The following DNASE1L3 variants were observed in gnomAD, a reference collection of about 807,000 sequenced individuals.
The protein encoded by DNASE1L3 is deoxyribonuclease gamma.
In DNASE1L3, 27 loss-of-function variants were observed where a neutral mutation model predicts 30.9. The ratio of observed to expected loss-of-function variants is 0.87; its 90% confidence interval spans 0.64 to 1.20. DNASE1L3 has a LOEUF of 1.20. Ranked by LOEUF, DNASE1L3 falls within the 50% of genes most tolerant of loss-of-function variation. The pLI is 0.00. For synonymous variants in DNASE1L3, 135 were observed against 138.0 expected, an observed-to-expected ratio of 0.98 and a Z score of 0.15; for missense variants, 364 against 378.2, an observed-to-expected ratio of 0.96 and a Z score of 0.31.
chr3:58,210,919 C>T lies in DNASE1L3; in HGVS notation c.-13G>A. 6.2e-7 allele frequency: 1 copy of T among 1,613,172 alleles called. No individual in the cohort carries two copies. The highest frequency in any genetic ancestry group is 2.2e-5 in the East Asian group (1 of 44,878). On this transcript the variant is annotated 5_prime_UTR_variant, in exon 1 of 8. Transcript: ENST00000394549. ...GCTCCCGTGACATCCTGGCGCTGCT[C>T]TGGCTTCAAGACTCTGTGAGAAGAC...
At chr3:58,196,116 T>C (rs1331570625) in intron 6 of DNASE1L3, among the ~76,000 whole-genome samples, 1 of 152,002 alleles carries the variant, frequency 6.6e-6, no homozygotes, top group African/African-American at 2.4e-5. Context: ...ACTGAGTGAG[T>C]GGCCATCGTC....
intron 2 of DNASE1L3, among the ~76,000 whole-genome samples, chr3:58,206,074 C>T (rs1473814871): frequency 3.3e-5 from 5 of 152,220 alleles, no homozygotes; most frequent in Admixed American, 2.6e-4. Flanking sequence ...AGCCATCAGG[C>T]ATTTTTTTAC....
At chr3:58,195,989 G>A (rs1317469854) in intron 6 of DNASE1L3, among the ~76,000 whole-genome samples, 2 of 152,114 alleles carry the variant, frequency 1.3e-5, no homozygotes, top group Non-Finnish European at 2.9e-5. Flanking sequence ...CTGTGGCCAT[G>A]TTGCCTTCTG....
At chr3:58,203,867 T>G (rs2097402281) in intron 4 of DNASE1L3, among the ~76,000 whole-genome samples, 1 of 152,178 alleles carries the variant, frequency 6.6e-6, no homozygotes, top group African/African-American at 2.4e-5. Flanking sequence ...CCCTGGCCTG[T>G]CCATTTCAGT....
rs911107395 is a variant in DNASE1L3 at position 58,200,240 on chromosome 3, C to T, written c.546+757G>A. ...TGGGGTGGACACAGATTTAGTCAAT[C>T]AGAGTAGCTCAACACCCTGATCACA... On this transcript the variant is annotated intron_variant, in intron 5 of 7. Coordinates refer to ENST00000394549, the MANE Select transcript of DNASE1L3 (RefSeq NM_004944.4). This position sits in a 1 kb window ranked among gnomAD's most constrained non-coding sequence, Gnocchi z 4.2. 2.0e-5 allele frequency among the ~76,000 whole-genome samples: 3 copies of T among 152,194 alleles called. No homozygotes were observed. The highest frequency in any genetic ancestry group is 4.4e-5 in the Non-Finnish European group (3 of 68,042).
chr3:58,195,881 ACATGTAAT>A (rs549209248), intron 6 of DNASE1L3, among the ~76,000 whole-genome samples: 21 of 152,304 alleles, frequency 1.4e-4, no homozygotes, highest in African/African-American at 5.1e-4. Flanking sequence ...TTAAAATGTC[ACATGTAAT>A]CCCACCATCC....
At chr3:58,194,462 G>A (rs1203817726) in intron 6 of DNASE1L3, among the ~76,000 whole-genome samples, 1 of 151,508 alleles carries the variant, frequency 6.6e-6, no homozygotes, top group Admixed American at 6.6e-5. Flanking sequence ...TGGAATTATA[G>A]GTGTGTGCCA....
chr3:58,196,889 TTAAAAA>T (rs1401450019), intron 6 of DNASE1L3, among the ~76,000 whole-genome samples: 1 of 152,242 alleles, frequency 6.6e-6, no homozygotes, highest in African/African-American at 2.4e-5. Flanking sequence ...AGCTAAAGCT[TTAAAAA>T]TATAAATACC....
intron 1 of DNASE1L3, 66 bp from the exon 2 acceptor site, chr3:58,208,372 G>A: frequency 1.3e-6 from 2 of 1,500,516 alleles, no homozygotes; most frequent in Non-Finnish European, 1.9e-6. Flanking sequence ...CCTTTTATTG[G>A]ACACTTACTG....
At chr3:58,196,166 C>T (rs560168448) in intron 6 of DNASE1L3, among the ~76,000 whole-genome samples, 1 of 152,194 alleles carries the variant, frequency 6.6e-6, no homozygotes, top group Non-Finnish European at 1.5e-5. Context: ...GGGGTCTGGG[C>T]ACTTAGACCC....
At chr3:58,201,197 A>AGCAGTGTTTATGAGACCTTGACAGGG in intron 4 of DNASE1L3, 88 bp from the exon 5 acceptor site, 1 of 963,480 alleles carries the variant, frequency 1.0e-6, no homozygotes, top group Non-Finnish European at 1.5e-6. Context: ...TGTCCCCTCC[A>AGCAGTGTTTATGAGACCTTGACAGGG]GAAGGCACAG....
chr3:58,194,928 C>T (rs967577212), intron 6 of DNASE1L3, among the ~76,000 whole-genome samples: 2 of 151,908 alleles, frequency 1.3e-5, no homozygotes, highest in Non-Finnish European at 2.9e-5. Context: ...ACGCCCGGCC[C>T]GGGCTACGGC....
At chr3:58,195,639 A>AAAAAAG (rs1575495396) in intron 6 of DNASE1L3, among the ~76,000 whole-genome samples, 4 of 149,214 alleles carry the variant, frequency 2.7e-5, no homozygotes, top group East Asian at 1.9e-4. Context: ...AAAAAAAAAA[A>AAAAAAG]GCGGGGCATG....
In DNASE1L3 at chr3:58,210,836, C is replaced by G. The variant is rs773365095; in HGVS notation, c.71G>C (p.Cys24Ser). The G allele has an allele frequency of 1.2e-6, 2 of 1,614,144 alleles. No individual in the cohort carries two copies. Among genetic ancestry groups the G allele is most frequent in the Non-Finnish European group, 1.7e-6 (2 of 1,180,022 alleles). The change falls in exon 1 of 8, where the codon TGC becomes TCC. Residue 24 changes from cysteine to serine, a missense_variant. By Grantham distance (112) the Cys-to-Ser change is moderately radical (BLOSUM62 -1). Coordinates refer to ENST00000394549, the MANE Select transcript of DNASE1L3 (RefSeq NM_004944.4). ...SIHSALAMRICSFNVRSFGES... is the reference protein window; with the variant it reads ...SIHSALAMRISSFNVRSFGES... ...CCCAAAGGACCTGACGTTGAAGGAG[C>G]AGATCCTCATGGCCAGGGCGCTGTG...
At position 58,192,501 on chromosome 3, in the gene DNASE1L3, G is replaced by A. The variant is rs1456712795; in HGVS notation, c.*186C>T. On this transcript the variant is annotated 3_prime_UTR_variant, in exon 8 of 8. Coordinates refer to ENST00000394549, the MANE Select transcript of DNASE1L3 (RefSeq NM_004944.4). This position sits in a 1 kb window ranked among gnomAD's most constrained non-coding sequence, Gnocchi z 4.8. ...TGGTTCCCTTTTAGACAATTCAGGG[G>A]AGGTATGAGACCAAGAGAGATACAA... 5.6e-6 allele frequency: 3 copies of A among 539,628 alleles called. No homozygotes were observed. The highest frequency in any genetic ancestry group is 6.2e-6 in the Non-Finnish European group (2 of 320,242). The allele number at this position is 539,628 out of a possible 1,614,324, so 33.4% of individuals were successfully genotyped here.
chr3:58,197,873 C>G lies in DNASE1L3; in HGVS notation c.652G>C (p.Gly218Arg), dbSNP rs1363344312. ...RTDPRFVWLI[G>R]DQEDTTVKKS... ...TTCACCGTGGTGTCCTCTTGGTCCCCGATCAGCCAAACAAACCTGGGGTCA... is the reference window on the plus strand; with the variant it reads ...TTCACCGTGGTGTCCTCTTGGTCCCGGATCAGCCAAACAAACCTGGGGTCA... Residue 218 changes from glycine (G) to arginine (R), a missense_variant, in exon 6 of 8, where the codon GGG becomes CGG. By Grantham distance (125) the Gly-to-Arg change is moderately radical. Transcript: ENST00000394549. This position sits in a 1 kb window ranked among gnomAD's most constrained non-coding sequence, Gnocchi z 5.3. The G allele has an allele frequency of 1.2e-6, 2 of 1,614,170 alleles. No homozygotes were observed. Among genetic ancestry groups the G allele is most frequent in the Admixed American group, 1.7e-5 (1 of 60,034 alleles).
chr3:58,206,403 G>A (rs2097403915), intron 2 of DNASE1L3, among the ~76,000 whole-genome samples: 1 of 152,168 alleles, frequency 6.6e-6, no homozygotes, highest in Non-Finnish European at 1.5e-5. Context: ...GTATGCTAAG[G>A]CAGACTTAGC....
At position 58,196,577 on chromosome 3, in the gene DNASE1L3, A is replaced by AT. The variant is rs1213325712; in HGVS notation, c.704+1243_704+1244insA. ...AAAAAAAAAAAAAAAAAAAAAAAAAACTCCGAGAGGAAGTGAAAACGAGTG... is the reference window on the plus strand; with the variant it reads ...AAAAAAAAAAAAAAAAAAAAAAAAAATCTCCGAGAGGAAGTGAAAACGAGTG... On this transcript the variant is annotated intron_variant, in intron 6 of 7. Coordinates refer to ENST00000394549, the MANE Select transcript of DNASE1L3 (RefSeq NM_004944.4). Among the ~76,000 whole-genome samples the AT allele has an allele frequency of 6.7e-4, 84 of 126,124 alleles. 2 individuals are homozygous for AT. The highest frequency in any genetic ancestry group is 1.4e-4 in the Non-Finnish European group (8 of 58,372). The allele number at this position is 126,124 out of a possible 152,430, so 82.7% of individuals were successfully genotyped here.
At chr3:58,209,288 G>A (rs1039359345) in intron 1 of DNASE1L3, among the ~76,000 whole-genome samples, 5 of 152,172 alleles carry the variant, frequency 3.3e-5, no homozygotes, top group Non-Finnish European at 5.9e-5. Flanking sequence ...GCTGCTCAGG[G>A]GAGATGCAGA....
Sources: gnomAD v4.1 joint callset for allele counts (sites outside exome capture counted in the v4.1 genomes callset) on GRCh38, gnomAD v4.1.1 for gene constraint, Gnocchi (gnomAD v3.1) non-coding constraint, MANE v1.5 for transcripts, NCBI Gene and HGNC (gene_info 2026-07-23, HGNC 2026-07-21) for gene names.